TNRC6B: variants seen among roughly 807,000 people sequenced by gnomAD.
TNRC6B encodes trinucleotide repeat containing adaptor 6B.
TNRC6B carries 52 observed loss-of-function variants against 203.6 expected under a neutral mutation model. That is an observed-to-expected ratio of 0.26 (90% CI 0.20 to 0.32). TNRC6B has a LOEUF of 0.32. Among genes scored for constraint, TNRC6B ranks in the 10% least tolerant of loss-of-function variants. The probability of loss-of-function intolerance (pLI) is 1.00; values close to 1 mark genes in which losing one functional copy is unlikely to be tolerated. For missense variants in TNRC6B, 1,923 were observed against 2,286.2 expected, an observed-to-expected ratio of 0.84 and a Z score of 3.24; for synonymous variants, 838 against 845.7, an observed-to-expected ratio of 0.99 and a Z score of 0.16.
intron 1 of TNRC6B, among the ~76,000 whole-genome samples, chr22:40,055,188 G>C (rs1278290810): frequency 6.6e-6 from 1 of 152,222 alleles, no homozygotes; most frequent in Non-Finnish European, 1.5e-5. Context: ...GCACAGCCAG[G>C]TGGGTGAGAC....
chr22:40,288,275 T>TCCA (rs75425504), intron 12 of TNRC6B, among the ~76,000 whole-genome samples: 48,461 of 152,040 alleles, frequency 0.32, 8,452 homozygotes, highest in South Asian at 0.47. Flanking sequence ...TTCCCAGGTC[T>TCCA]CCAGTCTTCT....
intron 1 of TNRC6B, among the ~76,000 whole-genome samples, chr22:40,234,944 G>T (rs1269141402): frequency 2.0e-5 from 3 of 152,134 alleles, no homozygotes. Flanking sequence ...TGCCTGAATG[G>T]ATATGTTCCA....
intron 1 of TNRC6B, among the ~76,000 whole-genome samples, chr22:40,079,700 C>T (rs1185452507): frequency 6.6e-6 from 1 of 151,990 alleles, no homozygotes; most frequent in Non-Finnish European, 1.5e-5. Flanking sequence ...CTCACTGAAA[C>T]CTCCAACTCT....
At chr22:40,164,404 A>T (rs2068899184) in intron 4 of TNRC6B, among the ~76,000 whole-genome samples, 1 of 151,506 alleles carries the variant, frequency 6.6e-6, no homozygotes, top group Non-Finnish European at 1.5e-5. Context: ...AAAAAAAAAA[A>T]AAAGGGCATT....
At chr22:40,307,524 A>T (rs2071103950) in intron 15 of TNRC6B, among the ~76,000 whole-genome samples, 2 of 151,960 alleles carry the variant, frequency 1.3e-5, no homozygotes, top group Admixed American at 6.6e-5. Flanking sequence ...CAGGTGTCAC[A>T]CACATTCTGA....
intron 17 of TNRC6B, 68 bp from the exon 18 acceptor site, chr22:40,312,437 C>T: frequency 6.8e-7 from 1 of 1,475,844 alleles, no homozygotes; most frequent in South Asian, 1.3e-5. Flanking sequence ...TTTCTTATGT[C>T]AAAAAAAGTA....
chr22:40,245,927 TG>T, intron 1 of TNRC6B, 87 bp from the exon 2 acceptor site: 2 of 945,216 alleles, frequency 2.1e-6, no homozygotes, highest in South Asian at 3.7e-5. Flanking sequence ...AATGTCGTCT[TG>T]CCCACCACTT....
chr22:40,306,713 C>T (rs536460198), intron 15 of TNRC6B, among the ~76,000 whole-genome samples: 150 of 152,142 alleles, frequency 9.9e-4, no homozygotes, highest in Non-Finnish European at 1.0e-3. Flanking sequence ...AGGCCAGGCA[C>T]GGTGGCTCAT....
chr22:40,076,691 A>G (rs771025757), intron 1 of TNRC6B, among the ~76,000 whole-genome samples: 1 of 152,186 alleles, frequency 6.6e-6, no homozygotes, highest in South Asian at 2.1e-4. Flanking sequence ...ACAACCAGCC[A>G]CTCAAAAGCA....
intron 2 of TNRC6B, among the ~76,000 whole-genome samples, chr22:40,248,612 G>A (rs1343838678): frequency 6.6e-6 from 1 of 152,202 alleles, no homozygotes; most frequent in Non-Finnish European, 1.5e-5. Flanking sequence ...TGGTGTGAAT[G>A]TACTTGAGAG....
At chr22:40,087,088 A>C (rs1487530908) in intron 1 of TNRC6B, among the ~76,000 whole-genome samples, 1 of 152,206 alleles carries the variant, frequency 6.6e-6, no homozygotes, top group Non-Finnish European at 1.5e-5. Flanking sequence ...TCCTCAGCTT[A>C]TACTGCATCA....
chr22:40,186,822 A>G lies in TNRC6B; in HGVS notation c.5+8682A>G, dbSNP rs2069210275. Among the ~76,000 whole-genome samples the G allele has an allele frequency of 2.0e-5, 3 of 152,090 alleles. No homozygotes were observed. In the South Asian group the frequency reaches 6.2e-4, roughly 31 times the overall value. On this transcript the variant is annotated intron_variant, in intron 1 of 22. Transcript: ENST00000454349. ...ACTTTATTTATGTAAAATATTGTTA[A>G]TTCAACATATTATTGATTTTAAAAT... is the stretch of plus-strand genomic sequence containing the variant.
intron 2 of TNRC6B, among the ~76,000 whole-genome samples, chr22:40,123,741 G>C (rs2068464143): frequency 6.6e-6 from 1 of 152,162 alleles, no homozygotes; most frequent in East Asian, 1.9e-4. Flanking sequence ...ATCTGGTTCA[G>C]CTATGCCTAT....
At chr22:40,108,481 A>G (rs1275315140) in intron 1 of TNRC6B, among the ~76,000 whole-genome samples, 1 of 152,186 alleles carries the variant, frequency 6.6e-6, no homozygotes, top group Non-Finnish European at 1.5e-5. Context: ...ATCTTTTTCA[A>G]TGAACACTTG....
At chr22:40,241,501 A>G (rs1002922436) in intron 1 of TNRC6B, among the ~76,000 whole-genome samples, 6 of 152,188 alleles carry the variant, frequency 3.9e-5, no homozygotes, top group African/African-American at 1.4e-4. Flanking sequence ...GCAGGCCAGT[A>G]TATTTTGTAG....
intron 1 of TNRC6B, among the ~76,000 whole-genome samples, chr22:40,105,512 T>A (rs193157563): frequency 3.3e-5 from 5 of 152,352 alleles, no homozygotes; most frequent in Non-Finnish European, 2.9e-5. Flanking sequence ...CATGTCCCTG[T>A]AAACATTATA....
At chr22:40,092,786 G>A (rs2068160300) in intron 1 of TNRC6B, among the ~76,000 whole-genome samples, 2 of 152,304 alleles carry the variant, frequency 1.3e-5, no homozygotes, top group South Asian at 4.1e-4. Context: ...AGAGTATCTG[G>A]GATTAGAGGT....
intron 1 of TNRC6B, among the ~76,000 whole-genome samples, chr22:40,102,892 CAT>C (rs905063795): frequency 9.9e-5 from 15 of 152,112 alleles, no homozygotes; most frequent in African/African-American, 3.4e-4. Context: ...TCCTGGCCAA[CAT>C]GGTGAAACCC....
intron 3 of TNRC6B, among the ~76,000 whole-genome samples, chr22:40,146,408 T>TG (rs1484937613): frequency 6.6e-6 from 1 of 151,642 alleles, no homozygotes; most frequent in African/African-American, 2.4e-5. Context: ...GCTGTCTTTT[T>TG]TTTTGAGACG....
Sources: gnomAD v4.1 joint callset for allele counts (sites outside exome capture counted in the v4.1 genomes callset) on GRCh38, gnomAD v4.1.1 for gene constraint, MANE v1.5 for transcripts, NCBI Gene and HGNC (gene_info 2026-07-23, HGNC 2026-07-21) for gene names.